Variants in LAMC3 observed in about 807,000 individuals in gnomAD.
LAMC3 encodes laminin subunit gamma 3, also known as laminin subunit gamma-3.
Under a neutral mutation model 173.8 loss-of-function variants are expected in LAMC3, and 128 were observed. That is an observed-to-expected ratio of 0.74 (90% CI 0.64 to 0.85). The LOEUF (loss-of-function observed/expected upper bound fraction) is 0.85, where lower values mean the gene tolerates loss of function less well. LAMC3 is among the 40% of genes least tolerant of loss of function. The pLI, the probability that LAMC3 is intolerant of heterozygous loss-of-function variation, is 0.00. For missense variants in LAMC3, 2,022 were observed against 2,156.0 expected (o/e 0.94, Z 1.23); for synonymous variants, 897 against 909.1 (o/e 0.99, Z 0.24).
At chr9:131,015,249 G>C (rs1232462696) in intron 1 of LAMC3, among the ~76,000 whole-genome samples, 1 of 152,184 alleles carries the variant, frequency 6.6e-6, no homozygotes, top group Non-Finnish European at 1.5e-5. Context: ...AGGGAGTGAG[G>C]AATTCATGGA....
At chr9:131,066,893 A>G in intron 13 of LAMC3, 67 bp from the exon 14 acceptor site, 1 of 1,589,476 alleles carries the variant, frequency 6.3e-7, no homozygotes, top group Admixed American at 1.7e-5. Flanking sequence ...GCTCTGCTTC[A>G]CACCCACCCT....
intron 20 of LAMC3, among the ~76,000 whole-genome samples, chr9:131,074,885 T>C (rs1830096630): frequency 6.6e-6 from 1 of 152,168 alleles, no homozygotes; most frequent in African/African-American, 2.4e-5. Context: ...AAACCCAGGC[T>C]GTCGTGACCA....
chr9:131,034,516 G>A (rs989373780), intron 3 of LAMC3, among the ~76,000 whole-genome samples: 5 of 152,378 alleles, frequency 3.3e-5, no homozygotes, highest in African/African-American at 1.2e-4. Context: ...GAGCCACTGA[G>A]TGGCCACAGA....
chr9:131,015,006 C>CT (rs1045715872), intron 1 of LAMC3, among the ~76,000 whole-genome samples: 2 of 152,148 alleles, frequency 1.3e-5, no homozygotes, highest in Non-Finnish European at 2.9e-5. Flanking sequence ...TGAACAAATG[C>CT]TTCGTGCCTG....
intron 3 of LAMC3, among the ~76,000 whole-genome samples, chr9:131,032,653 ACTCT>A (rs374246376): frequency 0.012 from 1,155 of 94,860 alleles, 14 homozygotes; most frequent in African/African-American, 0.041. Flanking sequence ...GCTCTCACTC[ACTCT>A]CTCTCACTCT....
intron 1 of LAMC3, among the ~76,000 whole-genome samples, chr9:131,016,118 G>A (rs142858769): frequency 5.3e-5 from 8 of 152,308 alleles, no homozygotes; most frequent in Non-Finnish European, 8.8e-5. Flanking sequence ...GAACCCTGAG[G>A]ACATTATGCT....
In LAMC3 at chr9:131,012,048, A is replaced by AACACACACAC. The variant is rs3837236; in HGVS notation, c.373+2465_373+2474dup. Among the ~76,000 whole-genome samples the AACACACACAC allele has an allele frequency of 2.3e-3, 318 of 138,216 alleles. 5 individuals are homozygous for AACACACACAC. Among genetic ancestry groups the AACACACACAC allele is most frequent in the African/African-American group, 7.7e-3 (295 of 38,522 alleles). 90.7% of individuals were successfully genotyped at this position (138,216 alleles called of 152,430 possible). A position where few individuals can be genotyped will look rare whatever the true frequency, so the allele number is the denominator to read the frequency against. ...CTCCACACTGTGAATGTAGAGAGCG[A>AACACACACAC]ACACACACACACATACACACACACA... is the stretch of plus-strand genomic sequence containing the variant. On this transcript the variant is annotated intron_variant, in intron 1 of 27. Coordinates refer to ENST00000361069, the MANE Select transcript of LAMC3 (RefSeq NM_006059.4).
At chr9:131,059,357 T>G (rs1245434037) in intron 12 of LAMC3, among the ~76,000 whole-genome samples, 1 of 146,964 alleles carries the variant, frequency 6.8e-6, no homozygotes, top group Non-Finnish European at 1.5e-5. Context: ...CCAGGCGTGG[T>G]GGCGGGTGCC....
intron 3 of LAMC3, among the ~76,000 whole-genome samples, chr9:131,033,329 C>T (rs1833881271): frequency 6.6e-6 from 1 of 152,280 alleles, no homozygotes; most frequent in African/African-American, 2.4e-5. Flanking sequence ...GGATGGCAGA[C>T]ATTGATCAGA....
At position 131,033,297 on chromosome 9, in the gene LAMC3, C is replaced by T. The variant is rs3808811; in HGVS notation, c.809+1122C>T. Among the ~76,000 whole-genome samples, 40 of 152,296 alleles carry T rather than the reference C, an allele frequency of 2.6e-4. No individual in the cohort carries two copies. In the South Asian group the frequency reaches 4.6e-3, roughly 17 times the overall value. On this transcript the variant is annotated intron_variant, in intron 3 of 27. Coordinates refer to ENST00000361069, the MANE Select transcript of LAMC3 (RefSeq NM_006059.4). ...TTGAAAGGAGAGAGGAAAACAGGTG[C>T]GTTCCTGCCCCAGTCACCTGGGGAT...
chr9:131,069,861 C>T lies in LAMC3; in HGVS notation c.3069+11C>T, dbSNP rs753078195. 31 of 1,576,536 alleles carry T rather than the reference C, an allele frequency of 2.0e-5. No individual in the cohort carries two copies. The highest frequency in any genetic ancestry group is 2.3e-5 in the Non-Finnish European group (27 of 1,160,476). ...CTGGTGAAGGAGGAGGTGAGTCGGC[C>T]CAGACCCACTCACCTTTCCATTCAT... On this transcript the variant is annotated intron_variant, in intron 17 of 27. Transcript: ENST00000361069.
rs765948697 is a variant in LAMC3 at position 131,077,201 on chromosome 9, A to G, written c.3644A>G (p.Gln1215Arg). The G allele has an allele frequency of 1.9e-6, 3 of 1,613,750 alleles. No individual in the cohort carries two copies. Among genetic ancestry groups the G allele is most frequent in the East Asian group, 4.5e-5 (2 of 44,870 alleles). The change falls in exon 22 of 28, where the codon CAG becomes CGG. Residue 1215 changes from glutamine to arginine, a missense_variant. Physicochemically the swap from Gln to Arg is conservative, Grantham distance 43. Coordinates refer to ENST00000361069, the MANE Select transcript of LAMC3 (RefSeq NM_006059.4). ...RDLEDRYQEVQAAQKALRTAV... is the reference protein window; with the variant it reads ...RDLEDRYQEVRAAQKALRTAV... ...CTTCCTCCCAGGTACCAGGAGGTCC[A>G]GGCGGCCCAGAAAGCACTGAGGACG... is the stretch of plus-strand genomic sequence containing the variant.
Position 131,074,523 on chromosome 9 carries a change from C to T in LAMC3, c.3494+1202C>T, listed in dbSNP as rs28421467. The stretch of plus-strand genomic sequence containing the variant: ...CCAGCCTGGCCAACATGGTAAAACC[C>T]CGTCTCCACTGAAAGTACATAAATT... On this transcript the variant is annotated intron_variant, in intron 20 of 27. Coordinates refer to ENST00000361069, the MANE Select transcript of LAMC3 (RefSeq NM_006059.4). 5.8e-3 allele frequency among the ~76,000 whole-genome samples: 883 copies of T among 151,810 alleles called. 9 individuals are homozygous for T. Among genetic ancestry groups the T allele is most frequent in the African/African-American group, 0.02 (845 of 41,462 alleles).
chr9:131,026,315 T>A lies in LAMC3; in HGVS notation c.404T>A (p.Leu135Gln). The A allele has an allele frequency of 1.2e-6, 2 of 1,614,148 alleles. No homozygotes were observed. The highest frequency in any genetic ancestry group is 8.5e-7 in the Non-Finnish European group (1 of 1,180,002). Residue 135 changes from leucine (L) to glutamine (Q), a missense_variant, in exon 2 of 28, where the codon CTG (leucine) becomes CAG (glutamine). Leu to Gln is a moderately radical substitution (Grantham distance 113). Coordinates refer to ENST00000361069, the MANE Select transcript of LAMC3 (RefSeq NM_006059.4). This position sits in a 1 kb window ranked among gnomAD's most constrained non-coding sequence, Gnocchi z 4.8. ...GCTTATGAGATCACGTATGTGAGGC[T>A]GAAGTTCCACACCAGTCGCCCTGAG... ...GKAYEITYVR[L>Q]KFHTSRPESF... is the part of the protein sequence containing the mutation.
In LAMC3 at chr9:131,038,941, T is replaced by C. The variant is rs899948626; in HGVS notation, c.1054T>C (p.Cys352Arg). Residue 352 changes from cysteine (C) to arginine (R), a missense_variant, in exon 5 of 28, where the codon TGT (cysteine) becomes CGT (arginine). By Grantham distance (180) the Cys-to-Arg change is radical (BLOSUM62 -3). Transcript: ENST00000361069. ...LFRSTGHGGR[C>R]HHCRDHTAGP... ...CCGCAGCACAGGCCACGGCGGGCGC[T>C]GTCACCACTGCCGTGACCACACAGC... is the stretch of plus-strand genomic sequence containing the variant. The C allele has an allele frequency of 2.5e-6, 4 of 1,612,970 alleles. No individual in the cohort carries two copies. Among genetic ancestry groups the C allele is most frequent in the Non-Finnish European group, 3.4e-6 (4 of 1,179,954 alleles).
intron 13 of LAMC3, among the ~76,000 whole-genome samples, chr9:131,062,059 AT>A (rs1016961135): frequency 1.3e-5 from 2 of 151,310 alleles, no homozygotes; most frequent in Admixed American, 6.6e-5. Flanking sequence ...TCCAAAAAAA[AT>A]TTTTTTTTAA....
At chr9:131,079,961 G>A (rs974829371) in intron 23 of LAMC3, among the ~76,000 whole-genome samples, 2 of 152,122 alleles carry the variant, frequency 1.3e-5, no homozygotes, top group African/African-American at 4.8e-5. Flanking sequence ...CAAGGCAGCT[G>A]TACCGATAAT....
chr9:131,025,281 T>A (rs1049684313), intron 1 of LAMC3, among the ~76,000 whole-genome samples: 4 of 152,128 alleles, frequency 2.6e-5, no homozygotes, highest in African/African-American at 9.7e-5. Context: ...CCTGTTGACA[T>A]CCCATGAGGG....
Position 131,072,775 on chromosome 9 carries a change from G to A in LAMC3, c.3357G>A (p.Glu1119=). The A allele has an allele frequency of 6.2e-7, 1 of 1,613,476 alleles. No homozygotes were observed. The highest frequency in any genetic ancestry group is 8.5e-7 in the Non-Finnish European group (1 of 1,179,842). ...CCTGCACCCAGCTGGCAGACCTGGA[G>A]GCAGTGCTGGAGTCCTCGGAAGAGG... ...QKTCTQLADL[E]AVLESSEEEI... Residue 1119 remains glutamate, a synonymous_variant, in exon 19 of 28, where the codon GAG becomes GAA. Transcript: ENST00000361069.
Sources: gnomAD v4.1 joint callset for allele counts (sites outside exome capture counted in the v4.1 genomes callset) on GRCh38, gnomAD v4.1.1 for gene constraint, Gnocchi (gnomAD v3.1) non-coding constraint, MANE v1.5 for transcripts, NCBI Gene and HGNC (gene_info 2026-07-23, HGNC 2026-07-21) for gene names.